Variants in CALN1 observed in about 807,000 individuals in gnomAD.
CALN1 encodes calcium-binding protein 8.
Under a neutral mutation model 30.6 loss-of-function variants are expected in CALN1, and 17 were observed. The observed-to-expected ratio is 0.56, with a 90% CI of 0.38 to 0.83. The LOEUF (loss-of-function observed/expected upper bound fraction) is 0.83. Among genes scored for constraint, CALN1 ranks in the 40% least tolerant of loss-of-function variants. CALN1 has a pLI of 0.00. For synonymous variants in CALN1, 156 were observed against 131.4 expected (o/e 1.19, Z -1.28); for missense variants, 291 against 354.9 (o/e 0.82, Z 1.45).
At chr7:71,858,484 G>A (rs1339515165) in intron 5 of CALN1, among the ~76,000 whole-genome samples, 1 of 149,316 alleles carries the variant, frequency 6.7e-6, no homozygotes, top group Non-Finnish European at 1.5e-5. Context: ...TCCTATACAA[G>A]ATAGCTACAA....
intron 5 of CALN1, among the ~76,000 whole-genome samples, chr7:71,972,374 C>T (rs1470489294): frequency 2.0e-5 from 3 of 152,122 alleles, no homozygotes; most frequent in African/African-American, 7.2e-5. Flanking sequence ...TATAGAATGG[C>T]GGCCTTTGTG....
At chr7:72,262,806 C>G (rs1268456175) in intron 3 of CALN1, among the ~76,000 whole-genome samples, 2 of 152,214 alleles carry the variant, frequency 1.3e-5, no homozygotes, top group African/African-American at 2.4e-5. Flanking sequence ...CCTCTTCCCT[C>G]TCCTCTCTCT....
chr7:72,084,874 A>C (rs1805379631), intron 4 of CALN1, among the ~76,000 whole-genome samples: 1 of 152,198 alleles, frequency 6.6e-6, no homozygotes, highest in Non-Finnish European at 1.5e-5. Flanking sequence ...CCAGATATAA[A>C]CAATTCATAA....
Position 71,780,292 on chromosome 7 carries a change from A to G in CALN1, c.*7483T>C, listed in dbSNP as rs1341861889. 6.6e-6 allele frequency: 1 copy of G among 152,206 alleles called. No homozygotes were observed. The highest frequency in any genetic ancestry group is 1.5e-5 in the Non-Finnish European group (1 of 68,034). The allele number at this position is 152,206 out of a possible 1,614,324, so 9.4% of individuals were successfully genotyped here. A position where few individuals can be genotyped will look rare whatever the true frequency, so the allele number is the denominator to read the frequency against. On this transcript the variant is annotated 3_prime_UTR_variant, in exon 7 of 7. Transcript: ENST00000395275. ...GTGCAACTCTCCACCAGGAGCTGAC[A>G]GGATCCTTTCTTGGCCAATCTAGGT... is the stretch of plus-strand genomic sequence containing the variant.
intron 3 of CALN1, among the ~76,000 whole-genome samples, chr7:72,106,777 GAA>G: frequency 3.6e-5 from 2 of 55,284 alleles, no homozygotes; most frequent in African/African-American, 5.9e-5. Flanking sequence ...AGGGAGGGAG[GAA>G]GGAAGGGAGG....
intron 5 of CALN1, among the ~76,000 whole-genome samples, chr7:71,817,186 C>G (rs1208606946): frequency 4.6e-5 from 7 of 152,192 alleles, no homozygotes; most frequent in Admixed American, 3.9e-4. Flanking sequence ...GTCCATTTTA[C>G]TTTTCAGTTT....
intron 2 of CALN1, among the ~76,000 whole-genome samples, chr7:72,361,625 T>A (rs1459806927): frequency 2.6e-5 from 4 of 152,226 alleles, no homozygotes; most frequent in African/African-American, 4.8e-5. Context: ...ATACCACGTT[T>A]ACATTCACTT....
intron 2 of CALN1, among the ~76,000 whole-genome samples, chr7:72,286,022 A>G (rs1247783518): frequency 1.3e-5 from 2 of 152,210 alleles, no homozygotes; most frequent in Non-Finnish European, 2.9e-5. Context: ...TCTCAACACC[A>G]CCAATGCCAG....
intron 3 of CALN1, among the ~76,000 whole-genome samples, chr7:72,107,895 T>C (rs1807292349): frequency 6.6e-6 from 1 of 152,244 alleles, no homozygotes; most frequent in Non-Finnish European, 1.5e-5. Flanking sequence ...AGAAACCTTC[T>C]ATCACTCTTC....
intron 3 of CALN1, among the ~76,000 whole-genome samples, chr7:72,232,941 T>C (rs918997331): frequency 6.6e-6 from 1 of 152,118 alleles, no homozygotes; most frequent in African/African-American, 2.4e-5. Context: ...ATTTGCTATA[T>C]TTTTAATTTA....
rs1285820978 is a variant in CALN1, at chr7:72,286,256, C to T, written c.120-7446G>A. 2.6e-5 allele frequency among the ~76,000 whole-genome samples: 4 copies of T among 151,968 alleles called. No homozygotes were observed. The East Asian group carries it at 7.7e-4, about 29-fold the overall frequency. ...ACTGGAATTGCTTTATTAAAGCAGC[C>T]AAGGTCAAATCCCACCACCATCTCT... On this transcript the variant is annotated intron_variant, in intron 2 of 6. Coordinates refer to ENST00000395275, the MANE Select transcript of CALN1 (RefSeq NM_031468.4).
intron 3 of CALN1, among the ~76,000 whole-genome samples, chr7:72,133,650 GA>G (rs754695962): frequency 6.6e-5 from 10 of 152,156 alleles, no homozygotes; most frequent in Non-Finnish European, 1.3e-4. Context: ...TACAAAGGGG[GA>G]AAGAGCCACT....
At chr7:72,449,588 T>G (rs1808616771), upstream of CALN1, among the ~76,000 whole-genome samples, 1 of 152,244 alleles carries the variant, frequency 6.6e-6, no homozygotes, top group Non-Finnish European at 1.5e-5. Context: ...GAATCTGCCG[T>G]CAGGCTGGGC....
intron 3 of CALN1, among the ~76,000 whole-genome samples, chr7:72,142,805 T>C (rs1222101622): frequency 6.6e-6 from 1 of 152,138 alleles, no homozygotes; most frequent in African/African-American, 2.4e-5. Context: ...GGCAGCAACA[T>C]TTGCTGTTCA....
intron 4 of CALN1, among the ~76,000 whole-genome samples, chr7:72,091,510 C>T (rs1039069920): frequency 1.6e-4 from 24 of 152,050 alleles, no homozygotes; most frequent in Non-Finnish European, 3.4e-4. Flanking sequence ...ACATGTACCC[C>T]ATAAATATGT....
intron 3 of CALN1, among the ~76,000 whole-genome samples, chr7:72,142,047 G>A (rs113975670): frequency 0.012 from 1,850 of 152,244 alleles, 31 homozygotes; most frequent in African/African-American, 0.04. Flanking sequence ...CAGCGTGAGC[G>A]ACGCAGAAGA....
chr7:72,261,919 A>C (rs1796296746), intron 3 of CALN1, among the ~76,000 whole-genome samples: 1 of 152,216 alleles, frequency 6.6e-6, no homozygotes, highest in South Asian at 2.1e-4. Context: ...GAGTGAGAAT[A>C]ATCAGGGAAA....
intron 4 of CALN1, among the ~76,000 whole-genome samples, chr7:72,054,254 C>T (rs543395911): frequency 6.6e-6 from 1 of 151,788 alleles, no homozygotes; most frequent in African/African-American, 2.4e-5. Flanking sequence ...AGTTTACATT[C>T]CCACCAGCAG....
intron 3 of CALN1, among the ~76,000 whole-genome samples, chr7:72,212,377 G>C (rs1165046473): frequency 6.6e-6 from 1 of 151,534 alleles, no homozygotes; most frequent in Non-Finnish European, 1.5e-5. Context: ...ATACCAGAGG[G>C]GGGAAGAATC....
Sources: allele counts gnomAD v4.1 joint callset (sites outside exome capture counted in the v4.1 genomes callset), GRCh38; gene constraint gnomAD v4.1.1; transcripts MANE v1.5; gene names NCBI Gene and HGNC (gene_info 2026-07-23, HGNC 2026-07-21).